ZFAND3: variants seen among roughly 807,000 people sequenced by gnomAD.
The protein encoded by ZFAND3 is AN1-type zinc finger protein 3.
In ZFAND3, 10 loss-of-function variants were observed where a neutral mutation model predicts 29.6. That is an observed-to-expected ratio of 0.34 (90% CI 0.21 to 0.57). ZFAND3 has a LOEUF of 0.57. Ranked by LOEUF, ZFAND3 falls within the 20% of genes least tolerant of loss-of-function variation. The pLI is 0.86. For synonymous variants in ZFAND3, 128 were observed against 112.6 expected (o/e 1.14, Z -0.87); for missense variants, 230 against 304.5 (o/e 0.76, Z 1.82).
intron 4 of ZFAND3, among the ~76,000 whole-genome samples, chr6:38,084,349 A>G (rs1401127442): frequency 6.6e-6 from 1 of 152,218 alleles, no homozygotes; most frequent in East Asian, 1.9e-4. Context: ...AAATAAGTTA[A>G]CATCTCAAAA....
chr6:37,828,742 G>A (rs371666006), intron 1 of ZFAND3, among the ~76,000 whole-genome samples: 2 of 151,794 alleles, frequency 1.3e-5, no homozygotes, highest in East Asian at 1.9e-4. Context: ...TCTGCCTCCC[G>A]GATTCAAGCC....
intron 1 of ZFAND3, among the ~76,000 whole-genome samples, chr6:37,920,862 C>T (rs1467484189): frequency 6.6e-6 from 1 of 152,094 alleles, no homozygotes; most frequent in East Asian, 1.9e-4. Flanking sequence ...TGGTCTTTTT[C>T]GTGTTTGCCT....
chr6:38,083,168 C>G (rs1764695583), intron 4 of ZFAND3, among the ~76,000 whole-genome samples: 1 of 152,116 alleles, frequency 6.6e-6, no homozygotes. Context: ...TTTTTCATAA[C>G]TTAAAAAATC....
At chr6:37,877,862 GTTTTA>G (rs1764821962) in intron 1 of ZFAND3, among the ~76,000 whole-genome samples, 1 of 152,242 alleles carries the variant, frequency 6.6e-6, no homozygotes, top group African/African-American at 2.4e-5. Flanking sequence ...AGAAGTCCGA[GTTTTA>G]TTTTAAGTGA....
At position 38,006,677 on chromosome 6, in the gene ZFAND3, T is replaced by TTA. The variant is rs1554166608; in HGVS notation, c.113-54916_113-54915insTA. 2.8e-4 allele frequency among the ~76,000 whole-genome samples: 39 copies of TTA among 141,142 alleles called. 3 individuals carry two copies. Among genetic ancestry groups the TTA allele is most frequent in the East Asian group, 4.1e-4 (2 of 4,848 alleles). 92.6% of individuals were successfully genotyped at this position (141,142 alleles called of 152,430 possible). A position where few individuals can be genotyped will look rare whatever the true frequency, so the allele number is the denominator to read the frequency against. On this transcript the variant is annotated intron_variant, in intron 2 of 5. Coordinates refer to ENST00000287218, the MANE Select transcript of ZFAND3 (RefSeq NM_021943.3). ...AGGGTTTTTTTTTTTTTTTTTTTTT[T>TTA]AATTGATGGTTTTGGCTCAAGCTTT...
intron 4 of ZFAND3, among the ~76,000 whole-genome samples, chr6:38,104,728 C>T (rs1765174316): frequency 6.6e-6 from 1 of 152,070 alleles, no homozygotes; most frequent in African/African-American, 2.4e-5. Flanking sequence ...AGAGATATAT[C>T]CTAGATAAAT....
chr6:37,947,217 C>G (rs759682071), intron 2 of ZFAND3, among the ~76,000 whole-genome samples: 1 of 152,070 alleles, frequency 6.6e-6, no homozygotes, highest in Non-Finnish European at 1.5e-5. Context: ...TCATCTTGTT[C>G]TGTGACAGTA....
chr6:37,853,828 A>C (rs1428270018), intron 1 of ZFAND3, among the ~76,000 whole-genome samples: 2 of 152,220 alleles, frequency 1.3e-5, no homozygotes, highest in African/African-American at 4.8e-5. Context: ...GATTACCAGT[A>C]AACTATTTCG....
chr6:37,919,522 T>G (rs1761333069), intron 1 of ZFAND3, among the ~76,000 whole-genome samples: 1 of 152,212 alleles, frequency 6.6e-6, no homozygotes, highest in Non-Finnish European at 1.5e-5. Context: ...TTCATTTTTT[T>G]TTTTAGCCTC....
chr6:37,939,552 G>C (rs1380633310), intron 2 of ZFAND3, among the ~76,000 whole-genome samples: 1 of 152,150 alleles, frequency 6.6e-6, no homozygotes, highest in Non-Finnish European at 1.5e-5. Flanking sequence ...GACAGGGACA[G>C]GGTGCATCAT....
chr6:38,124,288 CGCAGGTGGAGCT>C (rs1337663210), intron 5 of ZFAND3, among the ~76,000 whole-genome samples: 2 of 152,252 alleles, frequency 1.3e-5, no homozygotes, highest in Non-Finnish European at 2.9e-5. Context: ...GCACTGGAGC[CGCAGGTGGAGCT>C]GCCTGCCAGT....
At chr6:37,992,800 C>T (rs1237556456) in intron 2 of ZFAND3, among the ~76,000 whole-genome samples, 1 of 152,002 alleles carries the variant, frequency 6.6e-6, no homozygotes, top group Non-Finnish European at 1.5e-5. Context: ...TACGCTGGTT[C>T]CTTTGACAAA....
intron 1 of ZFAND3, among the ~76,000 whole-genome samples, chr6:37,883,913 A>G (rs1235970730): frequency 6.9e-6 from 1 of 144,944 alleles, no homozygotes; most frequent in Admixed American, 6.7e-5. Context: ...TGTTCAGGAG[A>G]TTCGCCAGGC....
rs570536949 is a variant in ZFAND3 at position 37,943,214 on chromosome 6, G to C, written c.112+13215G>C. Among the ~76,000 whole-genome samples, 23 of 152,244 alleles carry C rather than the reference G, an allele frequency of 1.5e-4. 2 individuals carry two copies. The South Asian group carries it at 4.6e-3, about 30-fold the overall frequency. On this transcript the variant is annotated intron_variant, in intron 2 of 5. Transcript: ENST00000287218. ...GGAAAGTCTTGCAAGCCCTACTGCT[G>C]GTTTGAAGAGACGATCATTGTAACA...
chr6:37,899,227 T>C (rs543426775), intron 1 of ZFAND3, among the ~76,000 whole-genome samples: 1 of 152,326 alleles, frequency 6.6e-6, no homozygotes, highest in African/African-American at 2.4e-5. Flanking sequence ...AAGATTCCTT[T>C]TTCTTTTGAT....
intron 2 of ZFAND3, among the ~76,000 whole-genome samples, chr6:38,053,274 G>A (rs1315942064): frequency 6.6e-6 from 1 of 150,904 alleles, no homozygotes; most frequent in Non-Finnish European, 1.5e-5. Context: ...TAGGCAGGGA[G>A]GTGATGTTAT....
At position 37,925,085 on chromosome 6, in the gene ZFAND3, T is replaced by A. The variant is rs115784383; in HGVS notation, c.72-4874T>A. 1.3e-3 allele frequency among the ~76,000 whole-genome samples: 195 copies of A among 151,838 alleles called. 1 individual carries two copies. Among genetic ancestry groups the A allele is most frequent in the African/African-American group, 3.6e-3 (149 of 41,392 alleles). ...AAGGAGACTTCCAGACTTTTTTTTT[T>A]AAAAACTTTCTCCAGGTAAAAAGTT... On this transcript the variant is annotated intron_variant, in intron 1 of 5. Coordinates refer to ENST00000287218, the MANE Select transcript of ZFAND3 (RefSeq NM_021943.3).
At chr6:37,915,540 A>C (rs1030641484) in intron 1 of ZFAND3, 1 of 152,256 alleles carries the variant, frequency 6.6e-6, no homozygotes, top group Admixed American at 6.5e-5. Context: ...TAATTTTAAT[A>C]GTGTCCCAAG....
At chr6:38,101,330 A>G (rs1322687730) in intron 4 of ZFAND3, among the ~76,000 whole-genome samples, 1 of 152,198 alleles carries the variant, frequency 6.6e-6, no homozygotes. Context: ...CTACATCAAC[A>G]CTGACACAAC....
Sources: gnomAD v4.1 joint callset for allele counts (sites outside exome capture counted in the v4.1 genomes callset) on GRCh38, gnomAD v4.1.1 for gene constraint, MANE v1.5 for transcripts, NCBI Gene and HGNC (gene_info 2026-07-23, HGNC 2026-07-21) for gene names.